The following UBE4B variants were observed in gnomAD, a reference collection of about 807,000 sequenced individuals.
The protein encoded by UBE4B is ubiquitination factor E4B.
Under a neutral mutation model 148.1 loss-of-function variants are expected in UBE4B, and 27 were observed. The observed-to-expected ratio is 0.18, with a 90% CI of 0.13 to 0.25. The LOEUF is 0.25. Ranked by LOEUF, UBE4B falls within the 10% of genes least tolerant of loss-of-function variation. UBE4B has a pLI of 1.00. For missense variants in UBE4B, 1,170 were observed against 1,662.4 expected, an observed-to-expected ratio of 0.70 and a Z score of 5.15; for synonymous variants, 596 against 619.3, an observed-to-expected ratio of 0.96 and a Z score of 0.56.
Position 10,130,480 on chromosome 1 carries a change from C to T in UBE4B, c.1696-20C>T, listed in dbSNP as rs776274308. Reference sequence around the variant, plus strand: ...CCGGCCTGTTCAGCGGCTTGACTGGCTCTTCCATCTTCTGCCTAGGTTGCT... The same window carrying T: ...CCGGCCTGTTCAGCGGCTTGACTGGTTCTTCCATCTTCTGCCTAGGTTGCT... On this transcript the variant is annotated intron_variant, in intron 12 of 27. Transcript: ENST00000343090. 4.4e-6 allele frequency: 7 copies of T among 1,608,834 alleles called. No homozygotes were observed. Among genetic ancestry groups the T allele is most frequent in the Non-Finnish European group, 5.1e-6 (6 of 1,176,034 alleles).
intron 1 of UBE4B, among the ~76,000 whole-genome samples, chr1:10,068,532 G>A (rs940991405): frequency 1.3e-5 from 2 of 151,648 alleles, no homozygotes; most frequent in African/African-American, 4.8e-5. Context: ...GGTATTTTTA[G>A]TAGAGATGGG....
At chr1:10,166,971 A>C (rs1646259619) in intron 23 of UBE4B, among the ~76,000 whole-genome samples, 4 of 111,852 alleles carry the variant, frequency 3.6e-5, no homozygotes, top group African/African-American at 8.5e-5. Context: ...ACACACACAC[A>C]AAAAAAAAAA....
At chr1:10,081,175 G>T (rs1644673599) in intron 2 of UBE4B, among the ~76,000 whole-genome samples, 2 of 152,066 alleles carry the variant, frequency 1.3e-5, no homozygotes, top group South Asian at 4.1e-4. Context: ...CGATTCTCCT[G>T]CCTCAGCCTC....
intron 3 of UBE4B, among the ~76,000 whole-genome samples, chr1:10,098,842 A>G (rs547297567): frequency 2.0e-4 from 31 of 152,342 alleles, no homozygotes; most frequent in Non-Finnish European, 2.9e-4. Context: ...AAAATCAGCA[A>G]TAAGAACAAG....
chr1:10,117,807 C>T (rs1386533215), intron 8 of UBE4B, among the ~76,000 whole-genome samples: 3 of 152,180 alleles, frequency 2.0e-5, no homozygotes, highest in Admixed American at 2.0e-4. Flanking sequence ...CTAATAGAGA[C>T]AGAGCCAAGG....
chr1:10,147,683 T>C (rs1645897472), intron 19 of UBE4B, among the ~76,000 whole-genome samples: 1 of 152,200 alleles, frequency 6.6e-6, no homozygotes, highest in South Asian at 2.1e-4. Flanking sequence ...AAGAGAAATC[T>C]ATAAATTGGA....
At chr1:10,072,658 AAC>A (rs1644509210) in intron 2 of UBE4B, 1 of 584,014 alleles carries the variant, frequency 1.7e-6, no homozygotes, top group Non-Finnish European at 3.0e-6. Flanking sequence ...CAGAGGATAA[AAC>A]TACCTGATAG....
intron 17 of UBE4B, among the ~76,000 whole-genome samples, chr1:10,141,707 A>G (rs116568784): frequency 6.6e-6 from 1 of 152,076 alleles, no homozygotes. Flanking sequence ...GCGAAGAGGG[A>G]TGATGGGTTA....
At chr1:10,035,734 T>C (rs1007782893) in intron 1 of UBE4B, among the ~76,000 whole-genome samples, 1 of 143,128 alleles carries the variant, frequency 7.0e-6, no homozygotes, top group Non-Finnish European at 1.5e-5. Flanking sequence ...TTTTTTTATT[T>C]TTTATTTATT....
At chr1:10,159,527 G>A (rs1391517343) in intron 22 of UBE4B, among the ~76,000 whole-genome samples, 2 of 152,250 alleles carry the variant, frequency 1.3e-5, no homozygotes, top group South Asian at 2.1e-4. Flanking sequence ...CAAAAAATTA[G>A]CCAGGCATGG....
intron 2 of UBE4B, among the ~76,000 whole-genome samples, chr1:10,088,614 A>G (rs1173194870): frequency 6.6e-6 from 1 of 151,572 alleles, no homozygotes; most frequent in Admixed American, 6.6e-5. Context: ...CAGCTGATCC[A>G]CCTGCCTTGT....
chr1:10,039,044 A>G (rs1036878129), intron 1 of UBE4B, among the ~76,000 whole-genome samples: 2 of 152,100 alleles, frequency 1.3e-5, no homozygotes, highest in Non-Finnish European at 2.9e-5. Flanking sequence ...TGGGAGGCAG[A>G]GCAAGACTCC....
intron 1 of UBE4B, among the ~76,000 whole-genome samples, chr1:10,045,755 TGA>T (rs955142869): frequency 6.6e-6 from 1 of 151,866 alleles, no homozygotes; most frequent in Non-Finnish European, 1.5e-5. Flanking sequence ...GGTTAGTGGT[TGA>T]GAGGGGGAGA....
At position 10,106,508 on chromosome 1, in the gene UBE4B, G is replaced by T. The variant is rs1389681861; in HGVS notation, c.1121G>T (p.Ser374Ile). The T allele has an allele frequency of 1.2e-6, 2 of 1,612,322 alleles. No individual in the cohort carries two copies. Among genetic ancestry groups the T allele is most frequent in the Admixed American group, 1.7e-5 (1 of 59,958 alleles). ...PASSSRQRPSSTGPPLPPASP... is the reference protein window; with the variant it reads ...PASSSRQRPSITGPPLPPASP... The stretch of plus-strand genomic sequence containing the variant: ...AGCAGTTCCAGACAGAGGCCCAGCA[G>T]CACGGGTCCACCCCTACCACCCGCC... Residue 374 changes from serine (S) to isoleucine (I), a missense_variant, in exon 7 of 28, where the codon AGC (serine) becomes ATC (isoleucine). Physicochemically the swap from Ser to Ile is moderately radical, Grantham distance 142. Transcript: ENST00000343090. The surrounding 1 kb of genome is among the most constrained non-coding windows in gnomAD (Gnocchi z 4.2).
chr1:10,131,131 C>T (rs1222467589), intron 14 of UBE4B, among the ~76,000 whole-genome samples: 1 of 152,190 alleles, frequency 6.6e-6, no homozygotes, highest in Non-Finnish European at 1.5e-5. Context: ...CACACCCTCA[C>T]TGACTTGCTT....
At chr1:10,105,813 T>C in intron 6 of UBE4B, 69 bp downstream of exon 6, 1 of 1,479,720 alleles carries the variant, frequency 6.8e-7, no homozygotes. Flanking sequence ...GAGAAGGGAA[T>C]GTTTGTTGAC....
In UBE4B at chr1:10,178,702, T is replaced by A; in HGVS notation, c.3584T>A (p.Ile1195Asn). Reference protein sequence around the residue: ...EVISKMRKAGIKSTIAIEKFK... With the variant: ...EVISKMRKAGNKSTIAIEKFK... ...ATTTCAAAGATGCGGAAGGCAGGGA[T>A]CAAATCCACAATAGCAATAGAAAAA... Residue 1195 changes from isoleucine to asparagine, a missense_variant, in exon 26 of 28, where the codon ATC becomes AAC. Physicochemically the swap from Ile to Asn is moderately radical, Grantham distance 149. Coordinates refer to ENST00000343090, the MANE Select transcript of UBE4B (RefSeq NM_001105562.3). The A allele has an allele frequency of 6.2e-7, 1 of 1,613,850 alleles. No individual in the cohort carries two copies. The highest frequency in any genetic ancestry group is 8.5e-7 in the Non-Finnish European group (1 of 1,179,948).
rs746660899 is a variant in UBE4B, at chr1:10,103,025, G to C, written c.513G>C (p.Lys171Asn). 1 of 1,613,530 alleles carries C rather than the reference G, an allele frequency of 6.2e-7. No individual in the cohort carries two copies. The highest frequency in any genetic ancestry group is 2.2e-5 in the East Asian group (1 of 44,880). The change falls in exon 5 of 28, where the codon AAG (lysine) becomes AAC (asparagine). Residue 171 changes from lysine to asparagine, a missense_variant. Around this residue, in one of 6 missense-constraint regions of UBE4B, gnomAD observed 91 missense variants for 120.5 expected, o/e 0.76. Transcript: ENST00000343090. ...GTAAGATCTTCCGTGTCTCTTGGAA[G>C]GACCGGGACAGAGATGTCATCTTTC... is the stretch of plus-strand genomic sequence containing the variant. The part of the protein sequence containing the change: ...LVCKIFRVSW[K>N]DRDRDVIFLS...
rs190136711 is a variant in UBE4B at position 10,141,992 on chromosome 1, C to G, written c.2364-2948C>G. ...TCCTTTAACAACAGTCTTAGAAACT[C>G]CTGATTAATTCACATTTCCTGGAGA... On this transcript the variant is annotated intron_variant, in intron 17 of 27. Transcript: ENST00000343090. Among the ~76,000 whole-genome samples, 312 of 152,236 alleles carry G rather than the reference C, an allele frequency of 2.0e-3. 2 individuals are homozygous for G. The highest frequency in any genetic ancestry group is 2.9e-3 in the Non-Finnish European group (200 of 68,002).
Sources: allele counts gnomAD v4.1 joint callset (sites outside exome capture counted in the v4.1 genomes callset), GRCh38; gene constraint gnomAD v4.1.1; regional missense constraint gnomAD v4.1.1; non-coding constraint Gnocchi (gnomAD v3.1); transcripts MANE v1.5; gene names NCBI Gene and HGNC (gene_info 2026-07-23, HGNC 2026-07-21).